CDC42BPB: variants seen among roughly 807,000 people sequenced by gnomAD.
CDC42BPB encodes the protein serine/threonine-protein kinase MRCK beta.
In CDC42BPB, 37 loss-of-function variants were observed where a neutral mutation model predicts 214.9. The ratio of observed to expected loss-of-function variants is 0.17; its 90% CI spans 0.13 to 0.23. The LOEUF is 0.23. Ranked by LOEUF, CDC42BPB falls within the 10% of genes least tolerant of loss-of-function variation. CDC42BPB has a pLI of 1.00. For synonymous variants in CDC42BPB, 931 were observed against 884.0 expected (o/e 1.05, Z -0.94); for missense variants, 1,694 against 2,227.0 (o/e 0.76, Z 4.82).
Position 102,944,096 on chromosome 14 carries a change from C to T in CDC42BPB, c.4203G>A (p.Gly1401=). The T allele has an allele frequency of 6.2e-7, 1 of 1,613,450 alleles. No homozygotes were observed. The highest frequency in any genetic ancestry group is 1.3e-5 in the African/African-American group (1 of 75,058). ...TTACCAGGTTTAGAGGCTGCCCGTC[C>T]CCCTGGATGCTCAGCAGGCAGAACC... ...PSGFCLLSIQ[G]DGQPLNLVNP... is the part of the protein sequence containing the mutation. Residue 1401 remains glycine, a synonymous_variant, in exon 30 of 37, where the codon GGG becomes GGA. Transcript: ENST00000361246. The surrounding 1 kb of genome is among the most constrained non-coding windows in gnomAD (Gnocchi z 6.6).
chr14:102,934,102 A>C, intron 36 of CDC42BPB: 5 of 1,104,892 alleles, frequency 4.5e-6, no homozygotes, highest in Non-Finnish European at 5.8e-6. Flanking sequence ...TCTGTAGTGA[A>C]GAAATCAGAT....
chr14:103,037,787 T>C (rs1199293485), intron 1 of CDC42BPB, among the ~76,000 whole-genome samples: 1 of 152,052 alleles, frequency 6.6e-6, no homozygotes, highest in Non-Finnish European at 1.5e-5. Flanking sequence ...TCCCAGCACT[T>C]TGGGAGGCCG....
intron 8 of CDC42BPB, among the ~76,000 whole-genome samples, chr14:102,979,393 G>A (rs537558767): frequency 1.1e-4 from 17 of 152,152 alleles, no homozygotes; most frequent in African/African-American, 4.1e-4. Flanking sequence ...TGTATTTTTA[G>A]TAGAGACGGG....
At chr14:103,027,340 C>T (rs1190413835) in intron 1 of CDC42BPB, among the ~76,000 whole-genome samples, 1 of 152,186 alleles carries the variant, frequency 6.6e-6, no homozygotes, top group East Asian at 1.9e-4. Flanking sequence ...GAAATCAAAG[C>T]ATGTCTGCAC....
chr14:103,028,579 C>G (rs1314557729), intron 1 of CDC42BPB, among the ~76,000 whole-genome samples: 1 of 152,224 alleles, frequency 6.6e-6, no homozygotes, highest in Non-Finnish European at 1.5e-5. Flanking sequence ...GGAAGCCCCT[C>G]CCAGGAACAC....
chr14:102,965,823 G>C (rs1352925400), intron 18 of CDC42BPB, among the ~76,000 whole-genome samples: 1 of 152,172 alleles, frequency 6.6e-6, no homozygotes, highest in Non-Finnish European at 1.5e-5. Context: ...AGGTGTAGCG[G>C]CACACGCCTG....
chr14:103,003,955 G>A lies in CDC42BPB; in HGVS notation c.420C>T (p.His140=). ...NGDCQWITAL[H]YAFQDENHLY... is the part of the protein sequence containing the mutation. ...GGTGGTTCTCGTCCTGAAAGGCGTA[G>A]TGCAGCGCGGTGATCCACTGGCAGT... The change falls in exon 4 of 37, where the codon CAC becomes CAT. Residue 140 remains histidine, a synonymous_variant. Transcript: ENST00000361246. 2 of 1,611,846 alleles carry A rather than the reference G, an allele frequency of 1.2e-6. No individual in the cohort carries two copies. The highest frequency in any genetic ancestry group is 1.3e-5 in the African/African-American group (1 of 75,064).
chr14:103,053,698 C>G (rs536074771), intron 1 of CDC42BPB, among the ~76,000 whole-genome samples: 2 of 147,106 alleles, frequency 1.4e-5, no homozygotes, highest in Non-Finnish European at 3.0e-5. Flanking sequence ...GGAGGCAGAG[C>G]TTGCAGTGAG....
intron 24 of CDC42BPB, chr14:102,950,895 G>A (rs1892460350): frequency 6.4e-6 from 1 of 156,774 alleles, no homozygotes; most frequent in African/African-American, 2.4e-5. Flanking sequence ...GAGCCCGGGA[G>A]GCGGAGGTTG....
chr14:102,995,179 C>CTT (rs952254612), intron 5 of CDC42BPB, among the ~76,000 whole-genome samples: 3 of 145,682 alleles, frequency 2.1e-5, no homozygotes, highest in Admixed American at 6.8e-5. Flanking sequence ...CTCTCTCTCT[C>CTT]TTTTTTTTTT....
chr14:102,937,025 A>T (rs574435491), intron 36 of CDC42BPB: 55 of 152,218 alleles, frequency 3.6e-4, no homozygotes, highest in African/African-American at 1.3e-3. Flanking sequence ...TTATGAAAAT[A>T]AAAAAAACAA....
At chr14:102,976,480 C>T (rs1347748653) in intron 9 of CDC42BPB, among the ~76,000 whole-genome samples, 1 of 152,240 alleles carries the variant, frequency 6.6e-6, no homozygotes, top group African/African-American at 2.4e-5. Flanking sequence ...CTCTTCTTCC[C>T]CTGCAGGCTA....
At chr14:103,017,580 T>C (rs1014367520) in intron 1 of CDC42BPB, among the ~76,000 whole-genome samples, 1 of 151,878 alleles carries the variant, frequency 6.6e-6, no homozygotes, top group Non-Finnish European at 1.5e-5. Flanking sequence ...GGGGAAACCA[T>C]AGCCTCACTT....
chr14:103,008,750 C>T (rs751708294), intron 2 of CDC42BPB, 195 bp from the exon 3 acceptor site: 4 of 921,390 alleles, frequency 4.3e-6, no homozygotes, highest in Non-Finnish European at 5.2e-6. Flanking sequence ...GGACCGGCCA[C>T]GTGGGCTCCG....
intron 1 of CDC42BPB, among the ~76,000 whole-genome samples, chr14:103,046,053 G>C (rs746107287): frequency 6.6e-6 from 1 of 152,120 alleles, no homozygotes; most frequent in African/African-American, 2.4e-5. Flanking sequence ...CAGGGGCAAC[G>C]AGGCTGGGGA....
In CDC42BPB at chr14:102,966,418, G is replaced by A. The variant is rs769367924; in HGVS notation, c.2472-31C>T. The A allele has an allele frequency of 3.1e-6, 5 of 1,608,700 alleles. No individual in the cohort carries two copies. The African/African-American group carries it at 4.0e-5, about 13-fold the overall frequency. On this transcript the variant is annotated intron_variant, in intron 17 of 36. Coordinates refer to ENST00000361246, the MANE Select transcript of CDC42BPB (RefSeq NM_006035.4). ...GGAGGGAACAGATGTTCTATCTCAC[G>A]AAGCATGGCTATCAGGGAGAAGCCA... is the stretch of plus-strand genomic sequence containing the variant.
chr14:102,942,030 C>CATT (rs1365796758), intron 30 of CDC42BPB, among the ~76,000 whole-genome samples: 1 of 152,250 alleles, frequency 6.6e-6, no homozygotes, highest in African/African-American at 2.4e-5. Flanking sequence ...ATTATAAATA[C>CATT]ATTGCACTAA....
In CDC42BPB at chr14:102,968,489, T is replaced by G; in HGVS notation, c.2223A>C (p.Glu741Asp). The change falls in exon 15 of 37, where the codon GAA becomes GAC. Residue 741 changes from glutamate (E) to aspartate (D), a missense_variant. Around this residue, in one of 7 missense-constraint regions of CDC42BPB, gnomAD observed 462 missense variants for 513.5 expected, o/e 0.90. Coordinates refer to ENST00000361246, the MANE Select transcript of CDC42BPB (RefSeq NM_006035.4). ...KEILMLKDKL[E>D]KSKRERHNEM... ...AAACCTACCGTTCTCGCTTTGACTTTTCTAACTTATCTTTTAACATCAAGA... is the reference window on the plus strand; with the variant it reads ...AAACCTACCGTTCTCGCTTTGACTTGTCTAACTTATCTTTTAACATCAAGA... The G allele has an allele frequency of 6.2e-7, 1 of 1,614,146 alleles. No individual in the cohort carries two copies. The highest frequency in any genetic ancestry group is 8.5e-7 in the Non-Finnish European group (1 of 1,180,030).
chr14:103,003,535 A>AGGCCCACGAGAGGCACTCCC (rs1206415905), intron 4 of CDC42BPB, among the ~76,000 whole-genome samples: 1 of 152,256 alleles, frequency 6.6e-6, no homozygotes, highest in Non-Finnish European at 1.5e-5. Flanking sequence ...GGAGGACTGC[A>AGGCCCACGAGAGGCACTCCC]GGCCCACGAG....
Sources: gnomAD v4.1 joint callset for allele counts (sites outside exome capture counted in the v4.1 genomes callset) on GRCh38, gnomAD v4.1.1 for gene constraint, gnomAD v4.1.1 regional missense constraint, Gnocchi (gnomAD v3.1) non-coding constraint, MANE v1.5 for transcripts, NCBI Gene and HGNC (gene_info 2026-07-23, HGNC 2026-07-21) for gene names.